Variants in PPFIBP2 observed in about 807,000 individuals in gnomAD.
PPFIBP2 encodes the protein liprin-beta-2.
PPFIBP2 carries 118 observed loss-of-function variants against 118.3 expected under a neutral mutation model. That is an observed-to-expected ratio of 1.00 (90% confidence interval 0.86 to 1.16). The LOEUF (loss-of-function observed/expected upper bound fraction) is 1.16. PPFIBP2 is among the 50% of genes most tolerant of loss of function. The pLI, the probability that PPFIBP2 is intolerant of heterozygous loss-of-function variation, is 0.00. For synonymous variants in PPFIBP2, 414 were observed against 397.4 expected, an observed-to-expected ratio of 1.04 and a Z score of -0.50; for missense variants, 1,195 against 1,073.1, an observed-to-expected ratio of 1.11 and a Z score of -1.59.
At chr11:7,540,194 G>A (rs1316254016) in intron 1 of PPFIBP2, among the ~76,000 whole-genome samples, 3 of 152,258 alleles carry the variant, frequency 2.0e-5, no homozygotes, top group East Asian at 1.9e-4. Flanking sequence ...GGAAGCCTTG[G>A]TAAGATTTGT....
intron 6 of PPFIBP2, among the ~76,000 whole-genome samples, chr11:7,614,806 A>C (rs1472133403): frequency 6.6e-6 from 1 of 152,250 alleles, no homozygotes; most frequent in Non-Finnish European, 1.5e-5. Context: ...TGATTATGGG[A>C]GGTGCCCAGT....
intron 3 of PPFIBP2, among the ~76,000 whole-genome samples, chr11:7,582,136 C>A (rs957546202): frequency 6.6e-6 from 1 of 152,120 alleles, no homozygotes; most frequent in Non-Finnish European, 1.5e-5. Context: ...CCGTGCCCAG[C>A]CAATTCAATG....
chr11:7,607,578 A>G (rs1294848193), intron 5 of PPFIBP2, among the ~76,000 whole-genome samples: 5 of 152,030 alleles, frequency 3.3e-5, no homozygotes, highest in Admixed American at 2.6e-4. Flanking sequence ...ATTGTCATGT[A>G]TCTAGGCACT....
At chr11:7,569,652 A>G (rs1855432130) in intron 3 of PPFIBP2, among the ~76,000 whole-genome samples, 1 of 152,200 alleles carries the variant, frequency 6.6e-6, no homozygotes, top group South Asian at 2.1e-4. Flanking sequence ...CAGAGGAAGC[A>G]TCAGGGAGGC....
At chr11:7,542,705 C>CT (rs1851925200) in intron 1 of PPFIBP2, among the ~76,000 whole-genome samples, 1 of 152,200 alleles carries the variant, frequency 6.6e-6, no homozygotes, top group African/African-American at 2.4e-5. Context: ...TTTCATATGA[C>CT]TGAGGAAGTC....
chr11:7,663,649 G>A, the PPFIBP2 span, among the ~76,000 whole-genome samples: 3 of 152,256 alleles, frequency 2.0e-5, no homozygotes, highest in Non-Finnish European at 4.4e-5. Context: ...AGGCAGGCAG[G>A]CCTCCTTGAG....
chr11:7,647,237 C>T (rs950582621), intron 17 of PPFIBP2, among the ~76,000 whole-genome samples: 7 of 152,104 alleles, frequency 4.6e-5, no homozygotes, highest in Admixed American at 2.6e-4. Flanking sequence ...GGAATATCTA[C>T]GATATTCTAT....
intron 10 of PPFIBP2, among the ~76,000 whole-genome samples, chr11:7,629,933 A>T (rs1249613674): frequency 6.6e-6 from 1 of 152,252 alleles, no homozygotes; most frequent in African/African-American, 2.4e-5. Context: ...AAAGTTCCGC[A>T]GCAGACTCAG....
At chr11:7,637,912 G>A (rs1229339617) in intron 14 of PPFIBP2, among the ~76,000 whole-genome samples, 7 of 152,162 alleles carry the variant, frequency 4.6e-5, no homozygotes, top group South Asian at 2.1e-4. Flanking sequence ...GGAGCTCCCC[G>A]GGTGGCCCAC....
chr11:7,654,291 C>T (rs1854481973), downstream of PPFIBP2, among the ~76,000 whole-genome samples: 1 of 152,190 alleles, frequency 6.6e-6, no homozygotes, highest in Non-Finnish European at 1.5e-5. Flanking sequence ...CCAGATGGGC[C>T]TTGTCTGGCT....
At chr11:7,631,821 G>T (rs1274016108) in intron 11 of PPFIBP2, among the ~76,000 whole-genome samples, 1 of 152,202 alleles carries the variant, frequency 6.6e-6, no homozygotes, top group African/African-American at 2.4e-5. Flanking sequence ...GTCTTACCAA[G>T]TCTTACTGGA....
chr11:7,634,621 T>C, intron 13 of PPFIBP2, 69 bp downstream of exon 13: 1 of 1,196,484 alleles, frequency 8.4e-7, no homozygotes. Context: ...TACTGGGATA[T>C]ACAGGCAGGT....
chr11:7,570,010 G>A (rs1855474578), intron 3 of PPFIBP2, among the ~76,000 whole-genome samples: 1 of 152,216 alleles, frequency 6.6e-6, no homozygotes, highest in Non-Finnish European at 1.5e-5. Context: ...GTAATCATCA[G>A]TGGCCCTGGC....
chr11:7,560,440 C>T (rs1307763804), intron 2 of PPFIBP2, among the ~76,000 whole-genome samples: 1 of 152,134 alleles, frequency 6.6e-6, no homozygotes, highest in Admixed American at 6.5e-5. Flanking sequence ...AATTGTTTTA[C>T]TGAATAAGGC....
Position 7,649,230 on chromosome 11 carries a change from A to T in PPFIBP2, c.1993A>T (p.Thr665Ser), listed in dbSNP as rs755762114. The T allele has an allele frequency of 7.4e-6, 12 of 1,612,300 alleles. No individual in the cohort carries two copies. The Admixed American group carries it at 1.7e-4, about 22-fold the overall frequency. Residue 665 changes from threonine (T) to serine (S), a missense_variant, in exon 20 of 24, where the codon ACT becomes TCT. By Grantham distance (58) the Thr-to-Ser change is moderately conservative. Coordinates refer to ENST00000299492, the MANE Select transcript of PPFIBP2 (RefSeq NM_003621.5). ...TGACAGACGAATGCTGCAATACCTA[A>T]CTGTGGTGAGGACTTTTTCTTTAAA... ...RVDRRMLQYL[T>S]VNDLLFLKVT...
chr11:7,643,328 A>T (rs181089775), intron 17 of PPFIBP2, among the ~76,000 whole-genome samples: 1 of 152,322 alleles, frequency 6.6e-6, no homozygotes, highest in South Asian at 2.1e-4. Context: ...TGACTCTAGA[A>T]GGGGAATCAT....
intron 14 of PPFIBP2, among the ~76,000 whole-genome samples, chr11:7,635,915 G>GT (rs1851390117): frequency 6.6e-6 from 1 of 152,078 alleles, no homozygotes; most frequent in African/African-American, 2.4e-5. Flanking sequence ...ACTGAAGAAC[G>GT]TGACAGCTCT....
chr11:7,642,263 T>C (rs1222456680), intron 16 of PPFIBP2, 35 bp from the exon 17 acceptor site: 9 of 1,611,390 alleles, frequency 5.6e-6, no homozygotes, highest in South Asian at 1.1e-5. Flanking sequence ...TTCTGACTAT[T>C]CCATGACCGT....
At chr11:7,527,497 T>G (rs912932780) in intron 1 of PPFIBP2, among the ~76,000 whole-genome samples, 11 of 152,036 alleles carry the variant, frequency 7.2e-5, no homozygotes, top group Admixed American at 5.2e-4. Flanking sequence ...TCTAAATAAT[T>G]TTTGAACCAT....
Sources: gnomAD v4.1 joint callset for allele counts (sites outside exome capture counted in the v4.1 genomes callset) on GRCh38, gnomAD v4.1.1 for gene constraint, MANE v1.5 for transcripts, NCBI Gene and HGNC (gene_info 2026-07-23, HGNC 2026-07-21) for gene names.